The following TNIK variants were observed in gnomAD, a reference collection of about 807,000 sequenced individuals.
TNIK encodes TRAF2 and NCK-interacting protein kinase.
Under a neutral mutation model 191.3 loss-of-function variants are expected in TNIK, and 49 were observed. The ratio of observed to expected loss-of-function variants is 0.26; its 90% CI spans 0.20 to 0.32. The LOEUF (loss-of-function observed/expected upper bound fraction) is 0.32, where lower values mean the gene tolerates loss of function less well. TNIK is among the 10% of genes least tolerant of loss of function. The probability of loss-of-function intolerance (pLI) is 1.00; values close to 1 mark genes in which losing one functional copy is unlikely to be tolerated. For synonymous variants in TNIK, 594 were observed against 600.9 expected (o/e 0.99, Z 0.17); for missense variants, 1,155 against 1,702.3 (o/e 0.68, Z 5.66).
At chr3:171,081,050 A>T (rs1720609766) in intron 27 of TNIK, among the ~76,000 whole-genome samples, 1 of 152,336 alleles carries the variant, frequency 6.6e-6, no homozygotes, top group Non-Finnish European at 1.5e-5. Context: ...AACATAATGA[A>T]GTCTGAATGT....
chr3:171,386,771 T>A (rs1182926202), intron 1 of TNIK, among the ~76,000 whole-genome samples: 6 of 152,196 alleles, frequency 3.9e-5, no homozygotes, highest in African/African-American at 1.4e-4. Flanking sequence ...ATCATTCACA[T>A]CCAGTCACTT....
intron 2 of TNIK, among the ~76,000 whole-genome samples, chr3:171,277,871 T>TA (rs1477738126): frequency 2.0e-5 from 3 of 152,196 alleles, no homozygotes; most frequent in Non-Finnish European, 4.4e-5. Flanking sequence ...GCTGACTTTT[T>TA]AAAAAGAGTC....
intron 7 of TNIK, among the ~76,000 whole-genome samples, chr3:171,183,526 G>A (rs1268455432): frequency 6.6e-6 from 1 of 152,192 alleles, no homozygotes; most frequent in Non-Finnish European, 1.5e-5. Flanking sequence ...TAATTGAGTG[G>A]TAAAAGTTAT....
intron 2 of TNIK, among the ~76,000 whole-genome samples, chr3:171,331,247 T>G (rs1003331705): frequency 6.6e-6 from 1 of 152,172 alleles, no homozygotes; most frequent in Non-Finnish European, 1.5e-5. Context: ...GGCCACTTTC[T>G]ACCCCAGATC....
chr3:171,365,357 T>G (rs1158156690), intron 2 of TNIK, among the ~76,000 whole-genome samples: 2 of 151,730 alleles, frequency 1.3e-5, no homozygotes, highest in Non-Finnish European at 2.9e-5. Context: ...TAATTTTGTA[T>G]TTTTAGTAGA....
In TNIK at chr3:171,093,842, T is replaced by C; in HGVS notation, c.2718A>G (p.Arg906=). 1 of 1,613,568 alleles carries C rather than the reference T, an allele frequency of 6.2e-7. No homozygotes were observed. Among genetic ancestry groups the C allele is most frequent in the East Asian group, 2.2e-5 (1 of 44,844 alleles). Residue 906 remains arginine, a synonymous_variant, in exon 23 of 33, where the codon AGA becomes AGG. Transcript: ENST00000436636. ...CACAGTTTTTATACCAACTTACCTC[T>C]CTAATCATCAAGGTTCCTTCTCTTG... is the stretch of plus-strand genomic sequence containing the variant. ...SISREGTLMI[R]ETSGEKKRSG... is the part of the protein sequence containing the mutation.
At chr3:171,111,489 G>T (rs1005739172) in intron 18 of TNIK, among the ~76,000 whole-genome samples, 1 of 152,056 alleles carries the variant, frequency 6.6e-6, no homozygotes, top group African/African-American at 2.4e-5. Context: ...TAGAATGGCT[G>T]TTTTCAAAAG....
At chr3:171,258,565 GA>G (rs1747179990) in intron 2 of TNIK, among the ~76,000 whole-genome samples, 1 of 152,134 alleles carries the variant, frequency 6.6e-6, no homozygotes, top group Admixed American at 6.5e-5. Context: ...GAACCCACGA[GA>G]CCAGTAAAGA....
At chr3:171,177,256 C>A in intron 8 of TNIK, 70 bp downstream of exon 8, 1 of 1,518,332 alleles carries the variant, frequency 6.6e-7, no homozygotes, top group South Asian at 1.2e-5. Flanking sequence ...AACTGCAGCT[C>A]CTGGCAAGGA....
chr3:171,431,708 A>G (rs1725415613), intron 1 of TNIK, among the ~76,000 whole-genome samples: 1 of 152,180 alleles, frequency 6.6e-6, no homozygotes, highest in African/African-American at 2.4e-5. Context: ...TGAAATTGGT[A>G]AAATCATTAT....
chr3:171,303,329 G>A (rs1346541578), intron 2 of TNIK, among the ~76,000 whole-genome samples: 3 of 152,060 alleles, frequency 2.0e-5, no homozygotes, highest in African/African-American at 4.8e-5. Flanking sequence ...GACTCTAAAT[G>A]GCCTAATATA....
intron 1 of TNIK, among the ~76,000 whole-genome samples, chr3:171,447,434 C>T (rs1022872331): frequency 6.6e-6 from 1 of 152,272 alleles, no homozygotes; most frequent in Admixed American, 6.5e-5. Context: ...GTGCCCTAAA[C>T]CAAAGGCTTC....
At chr3:171,401,820 T>G (rs1720995980) in intron 1 of TNIK, among the ~76,000 whole-genome samples, 1 of 152,198 alleles carries the variant, frequency 6.6e-6, no homozygotes, top group African/African-American at 2.4e-5. Flanking sequence ...GTTGGAAGAA[T>G]TAAATAATGC....
intron 3 of TNIK, among the ~76,000 whole-genome samples, chr3:171,217,460 G>T (rs73171538): frequency 0.035 from 5,300 of 152,030 alleles, 123 homozygotes; most frequent in Middle Eastern, 0.089. Flanking sequence ...GTACCTGGGT[G>T]ACAGAATCAT....
chr3:171,452,729 AACACACAC>A (rs10602125), intron 1 of TNIK, among the ~76,000 whole-genome samples: 11,609 of 142,582 alleles, frequency 0.081, 907 homozygotes, highest in African/African-American at 0.21. Context: ...ACACACTCCA[AACACACAC>A]ACACACACAC....
chr3:171,252,803 C>T (rs1030478826), intron 2 of TNIK, among the ~76,000 whole-genome samples: 4 of 152,024 alleles, frequency 2.6e-5, no homozygotes, highest in African/African-American at 9.7e-5. Flanking sequence ...GCACTCGGTT[C>T]CTGGTGACAC....
chr3:171,326,427 TTA>T (rs1182344812), intron 2 of TNIK, among the ~76,000 whole-genome samples: 1 of 151,770 alleles, frequency 6.6e-6, no homozygotes, highest in Non-Finnish European at 1.5e-5. Flanking sequence ...CCTGAAAGGC[TTA>T]TGTGCATTTC....
chr3:171,179,420 C>G (rs548447856), intron 7 of TNIK, among the ~76,000 whole-genome samples: 26 of 151,862 alleles, frequency 1.7e-4, no homozygotes, highest in African/African-American at 6.0e-4. Flanking sequence ...CTGGTAAAGA[C>G]AAAAACGCAG....
At position 171,199,449 on chromosome 3, in the gene TNIK, A is replaced by T. The variant is rs141248511; in HGVS notation, c.307-4814T>A. ...TCTCCCTGAAAGAAAGTTCTCAAAG[A>T]GTTTATACTGGGATAATAATACTTT... is the stretch of plus-strand genomic sequence containing the variant. On this transcript the variant is annotated intron_variant, in intron 4 of 32. Transcript: ENST00000436636. Among the ~76,000 whole-genome samples the T allele has an allele frequency of 2.2e-4, 33 of 152,338 alleles. 1 individual carries two copies. In the East Asian group the frequency reaches 6.0e-3, roughly 28 times the overall value.
Sources: allele counts gnomAD v4.1 joint callset (sites outside exome capture counted in the v4.1 genomes callset), GRCh38; gene constraint gnomAD v4.1.1; transcripts MANE v1.5; gene names NCBI Gene and HGNC (gene_info 2026-07-23, HGNC 2026-07-21).